OPCML: variants seen among roughly 807,000 people sequenced by gnomAD.
OPCML encodes the protein opioid-binding protein/cell adhesion molecule.
Under a neutral mutation model 37.8 loss-of-function variants are expected in OPCML, and 13 were observed. The ratio of observed to expected loss-of-function variants is 0.34; its 90% CI spans 0.22 to 0.55. The LOEUF (loss-of-function observed/expected upper bound fraction) is 0.55, where lower values mean the gene tolerates loss of function less well. OPCML is among the 20% of genes least tolerant of loss of function. The pLI, the probability that OPCML is intolerant of heterozygous loss-of-function variation, is 0.91. For synonymous variants in OPCML, 176 were observed against 168.8 expected (o/e 1.04, Z -0.33); for missense variants, 341 against 435.6 (o/e 0.78, Z 1.93).
chr11:132,740,060 C>T (rs1251901544), intron 2 of OPCML, among the ~76,000 whole-genome samples: 1 of 152,284 alleles, frequency 6.6e-6, no homozygotes, highest in African/African-American at 2.4e-5. Flanking sequence ...TAACCTGTCA[C>T]TTCTAAATGT....
At chr11:133,282,320 C>T (rs1942181150) in intron 1 of OPCML, among the ~76,000 whole-genome samples, 1 of 152,226 alleles carries the variant, frequency 6.6e-6, no homozygotes, top group Admixed American at 6.5e-5. Context: ...TGCTCCAGCT[C>T]CAGCTGTGGC....
intron 2 of OPCML, among the ~76,000 whole-genome samples, chr11:132,669,456 G>T (rs1022442415): frequency 6.6e-6 from 1 of 152,200 alleles, no homozygotes. Context: ...AACCCAAGGT[G>T]ACACCATTAG....
At chr11:132,723,697 TTCCAGGCCTATGCCC>T (rs1944763192) in intron 2 of OPCML, among the ~76,000 whole-genome samples, 1 of 152,252 alleles carries the variant, frequency 6.6e-6, no homozygotes, top group Non-Finnish European at 1.5e-5. Flanking sequence ...AGCAAAGCCA[TTCCAGGCCTATGCCC>T]TCCAGGCACT....
chr11:133,119,677 G>T (rs2137112356), intron 1 of OPCML, among the ~76,000 whole-genome samples: 1 of 152,320 alleles, frequency 6.6e-6, no homozygotes, highest in African/African-American at 2.4e-5. Flanking sequence ...GTAAAATTCA[G>T]CCTGAGGAGG....
At chr11:132,751,287 G>T (rs1420130327) in intron 2 of OPCML, among the ~76,000 whole-genome samples, 2 of 152,104 alleles carry the variant, frequency 1.3e-5, no homozygotes, top group East Asian at 3.9e-4. Flanking sequence ...TCCAGCGGTG[G>T]TGAGACTCTG....
At chr11:132,784,252 G>A (rs999945085) in intron 2 of OPCML, among the ~76,000 whole-genome samples, 2 of 152,036 alleles carry the variant, frequency 1.3e-5, no homozygotes, top group African/African-American at 4.8e-5. Context: ...ACTAACCAAG[G>A]CTTGATTAAT....
At chr11:132,595,283 T>C (rs185724166) in intron 3 of OPCML, among the ~76,000 whole-genome samples, 3 of 152,224 alleles carry the variant, frequency 2.0e-5, no homozygotes, top group Admixed American at 1.3e-4. Flanking sequence ...TTAAAAAATA[T>C]AGCACGTTGT....
chr11:133,473,398 G>A (rs1360842063), intron 1 of OPCML, among the ~76,000 whole-genome samples: 1 of 152,186 alleles, frequency 6.6e-6, no homozygotes. Context: ...TTAAAATTGT[G>A]TGGCTAAATA....
intron 1 of OPCML, among the ~76,000 whole-genome samples, chr11:133,219,750 C>A (rs1311626335): frequency 1.3e-5 from 2 of 152,078 alleles, no homozygotes; most frequent in Admixed American, 1.3e-4. Flanking sequence ...ACTGTGCCCC[C>A]TGGAGGACAT....
chr11:133,026,264 A>G (rs1947552445), intron 1 of OPCML, among the ~76,000 whole-genome samples: 1 of 152,210 alleles, frequency 6.6e-6, no homozygotes, highest in Non-Finnish European at 1.5e-5. Flanking sequence ...ACTCAAATGC[A>G]TACATGTAAA....
In OPCML at chr11:133,003,756, C is replaced by G. The variant is rs75562156; in HGVS notation, c.62-60746G>C. ...GACTTCCTGGAGGCCATGGAATAGG[C>G]TGAATTCTGAGCAGTGGATTACCCA... On this transcript the variant is annotated intron_variant, in intron 1 of 7. Transcript: ENST00000524381. The G allele has an allele frequency of 2.8e-3, 2,802 of 985,398 alleles. 48 individuals carry two copies. The African/African-American group carries it at 0.045, about 16-fold the overall frequency. The allele number at this position is 985,398 out of a possible 1,614,324, so 61.0% of individuals were successfully genotyped here.
intron 1 of OPCML, among the ~76,000 whole-genome samples, chr11:133,512,851 T>C (rs1038042704): frequency 1.3e-5 from 2 of 152,196 alleles, no homozygotes; most frequent in African/African-American, 4.8e-5. Context: ...AGGATCCCTA[T>C]CTACAAGGAT....
Position 132,943,164 on chromosome 11 carries a change from G to A in OPCML, c.62-154C>T. 6.3e-7 allele frequency: 1 copy of A among 1,599,040 alleles called. No homozygotes were observed. The highest frequency in any genetic ancestry group is 8.6e-7 in the Non-Finnish European group (1 of 1,169,200). On this transcript the variant is annotated intron_variant, in intron 1 of 7. Coordinates refer to ENST00000524381, the MANE Select transcript of OPCML (RefSeq NM_001012393.5). The surrounding 1 kb of genome is among the most constrained non-coding windows in gnomAD (Gnocchi z 4.3). ...GGTCCCCCGCCCCGCGCACCAGCGG[G>A]CTCGGGAAGCGGTGCGGGGAGGAGG...
chr11:133,175,086 G>C (rs1950347850), intron 1 of OPCML, among the ~76,000 whole-genome samples: 1 of 152,210 alleles, frequency 6.6e-6, no homozygotes, highest in Admixed American at 6.5e-5. Context: ...GTTAATCTTG[G>C]AAGTAGAATT....
intron 1 of OPCML, among the ~76,000 whole-genome samples, chr11:133,331,778 A>C (rs908211368): frequency 6.6e-6 from 1 of 152,160 alleles, no homozygotes; most frequent in African/African-American, 2.4e-5. Flanking sequence ...CACATAGGCC[A>C]TCTTTCCTTT....
chr11:133,038,508 T>A (rs1591938532), intron 1 of OPCML, among the ~76,000 whole-genome samples: 1 of 152,218 alleles, frequency 6.6e-6, no homozygotes, highest in Non-Finnish European at 1.5e-5. Context: ...TATTTTAATT[T>A]TTTTCCTAAA....
chr11:133,440,592 T>G (rs183586488), intron 1 of OPCML, among the ~76,000 whole-genome samples: 1,886 of 150,348 alleles, frequency 0.013, 51 homozygotes, highest in African/African-American at 0.044. Context: ...CTGGGCATGG[T>G]GGCAGGTGCC....
At chr11:133,475,218 T>G (rs894762971) in intron 1 of OPCML, among the ~76,000 whole-genome samples, 7 of 129,312 alleles carry the variant, frequency 5.4e-5, no homozygotes, top group Admixed American at 2.2e-4. Flanking sequence ...GTGGTTTTTT[T>G]TTGTTGTTTT....
At chr11:133,289,439 C>T (rs969694447) in intron 1 of OPCML, among the ~76,000 whole-genome samples, 9 of 151,340 alleles carry the variant, frequency 5.9e-5, no homozygotes, top group African/African-American at 2.2e-4. Flanking sequence ...ACTAAAAATA[C>T]AAAAAATTAG....
Sources: allele counts gnomAD v4.1 joint callset (sites outside exome capture counted in the v4.1 genomes callset), GRCh38; gene constraint gnomAD v4.1.1; non-coding constraint Gnocchi (gnomAD v3.1); transcripts MANE v1.5; gene names NCBI Gene and HGNC (gene_info 2026-07-23, HGNC 2026-07-21).